ABCA9: variants seen among roughly 807,000 people sequenced by gnomAD.
ABCA9 encodes ATP-binding cassette sub-family A member 9.
Under a neutral mutation model 205.3 loss-of-function variants are expected in ABCA9, and 183 were observed. The ratio of observed to expected loss-of-function variants is 0.89; its 90% CI spans 0.79 to 1.01. ABCA9 has a LOEUF of 1.01. Ranked by LOEUF, ABCA9 falls within the 50% of genes least tolerant of loss-of-function variation. The probability of loss-of-function intolerance (pLI) is 0.00; values close to 1 mark genes in which losing one functional copy is unlikely to be tolerated. For missense variants in ABCA9, 1,805 were observed against 1,912.4 expected, an observed-to-expected ratio of 0.94 and a Z score of 1.05; for synonymous variants, 651 against 683.3, an observed-to-expected ratio of 0.95 and a Z score of 0.74.
upstream of ABCA9, chr17:69,061,147 T>C (rs11871944): frequency 0.6 from 589,303 of 984,392 alleles, 183,267 homozygotes; most frequent in Non-Finnish European, 0.63. Context: ...TTGCAGATGG[T>C]TGGCTGGACA....
chr17:69,028,828 T>C, intron 11 of ABCA9, among the ~76,000 whole-genome samples, 183 bp from the exon 12 acceptor site: 1 of 152,232 alleles, frequency 6.6e-6, no homozygotes, highest in East Asian at 1.9e-4. Context: ...ATTGTCAATA[T>C]GTTATTATGC....
Position 68,975,720 on chromosome 17 carries a change from GC to G in ABCA9, c.*194del, listed in dbSNP as rs1241821966. 5.3e-6 allele frequency: 3 copies of G among 561,858 alleles called. No individual in the cohort carries two copies. The Admixed American group carries it at 9.0e-5, about 17-fold the overall frequency. 34.8% of individuals were successfully genotyped at this position (561,858 alleles called of 1,614,324 possible). ...GCTGGCACAAAGGCTGCATGGTATG[GC>G]TTAGGCTTATGCCCTATGATCGCCC... On this transcript the variant is annotated 3_prime_UTR_variant, in exon 39 of 39. Coordinates refer to ENST00000340001, the MANE Select transcript of ABCA9 (RefSeq NM_080283.4).
At chr17:68,989,687 C>T in intron 30 of ABCA9, 126 bp downstream of exon 30, 2 of 595,032 alleles carry the variant, frequency 3.4e-6, no homozygotes, top group South Asian at 2.5e-5. Context: ...GGCTTTTAAG[C>T]AGGAGGAGCA....
At position 69,026,480 on chromosome 17, in the gene ABCA9, A is replaced by G. The variant is rs1310395001; in HGVS notation, c.2051-13T>C. On this transcript the variant is annotated splice_polypyrimidine_tract_variant and intron_variant, in intron 15 of 38. Coordinates refer to ENST00000340001, the MANE Select transcript of ABCA9 (RefSeq NM_080283.4). ...AACACCTTCCTGTCTAGTTAGAAATAATCAAAAGATAAGTTACATGAAGGA... is the reference window on the plus strand; with the variant it reads ...AACACCTTCCTGTCTAGTTAGAAATGATCAAAAGATAAGTTACATGAAGGA... 4 of 1,601,558 alleles carry G rather than the reference A, an allele frequency of 2.5e-6. No homozygotes were observed. Among genetic ancestry groups the G allele is most frequent in the African/African-American group, 2.7e-5 (2 of 74,730 alleles).
Position 69,036,871 on chromosome 17 carries a change from C to CAAAAAA in ABCA9, c.801-1076_801-1071dup, listed in dbSNP as rs781565554. Among the ~76,000 whole-genome samples, 6 of 4,712 alleles carry CAAAAAA rather than the reference C, an allele frequency of 1.3e-3. 3 individuals carry two copies. Among genetic ancestry groups the CAAAAAA allele is most frequent in the East Asian group, 0.029 (2 of 68 alleles). The allele number at this position is 4,712 out of a possible 152,430, so 3.1% of individuals were successfully genotyped here. A position where few individuals can be genotyped will look rare whatever the true frequency, so the allele number is the denominator to read the frequency against. ...GAATATTTACCAAGTAAATGGAAAG[C>CAAAAAA]AAAAAAAAAAAAAAAAAAAAAAAAA... On this transcript the variant is annotated intron_variant, in intron 6 of 38. Coordinates refer to ENST00000340001, the MANE Select transcript of ABCA9 (RefSeq NM_080283.4).
In ABCA9 at chr17:69,008,144, A is replaced by G. The variant is rs2070222236; in HGVS notation, c.3239T>C (p.Leu1080Ser). 5.0e-6 allele frequency: 8 copies of G among 1,613,364 alleles called. No homozygotes were observed. Among genetic ancestry groups the G allele is most frequent in the African/African-American group, 1.3e-5 (1 of 74,928 alleles). ...CATTATTTGCATTAGCAGGAGGATC[A>G]AAAAGTACAGGGAAACATCCACCAG... ...QALVDVSLYFLILLLMQIMDY... is the reference protein window; with the variant it reads ...QALVDVSLYFSILLLMQIMDY... The change falls in exon 24 of 39, where the codon TTG becomes TCG. Residue 1080 changes from leucine to serine, a missense_variant. Leu to Ser is a moderately radical substitution (Grantham distance 145, BLOSUM62 -2). Transcript: ENST00000340001.
intron 25 of ABCA9, among the ~76,000 whole-genome samples, chr17:69,006,545 C>G (rs1350444320): frequency 6.6e-6 from 1 of 152,130 alleles, no homozygotes; most frequent in Non-Finnish European, 1.5e-5. Context: ...TATAATTATG[C>G]CTTCTACATG....
chr17:69,036,544 A>G (rs888512624), intron 6 of ABCA9, among the ~76,000 whole-genome samples: 2 of 152,168 alleles, frequency 1.3e-5, no homozygotes, highest in Non-Finnish European at 2.9e-5. Flanking sequence ...TAAATGTAGA[A>G]AGAAAAAACC....
rs146809474 is a variant in ABCA9, at chr17:69,028,637, A to G, written c.1513T>C (p.Phe505Leu). Reference sequence around the variant, plus strand: ...GTGATCTGGCCTTCATATATGTCAAACACCACACCTGGCATGATTTTAAAA... The same window carrying G: ...GTGATCTGGCCTTCATATATGTCAAGCACCACACCTGGCATGATTTTAAAA... Reference protein sequence around the residue: ...ERVEALKGVVFDIYEGQITAL... With the variant: ...ERVEALKGVVLDIYEGQITAL... The change falls in exon 12 of 39, where the codon TTT (phenylalanine) becomes CTT (leucine). Residue 505 changes from phenylalanine to leucine, a missense_variant. Physicochemically the swap from Phe to Leu is conservative, Grantham distance 22. Coordinates refer to ENST00000340001, the MANE Select transcript of ABCA9 (RefSeq NM_080283.4). 1.3e-6 allele frequency: 2 copies of G among 1,586,066 alleles called. No homozygotes were observed. Among genetic ancestry groups the G allele is most frequent in the African/African-American group, 2.7e-5 (2 of 73,892 alleles).
intron 29 of ABCA9, 124 bp downstream of exon 29, chr17:68,990,713 G>GA (rs2069421126): frequency 1.7e-6 from 2 of 1,183,838 alleles, no homozygotes. Context: ...CTGAAGTCAA[G>GA]TAATAAGCTG....
the ABCA9 span, chr17:69,078,725 T>G: frequency 3.2e-6 from 1 of 311,272 alleles, no homozygotes; most frequent in South Asian, 1.1e-4. Flanking sequence ...TAGTTTTATT[T>G]CCACAATACC....
chr17:69,007,596 A>G (rs2070193154), intron 25 of ABCA9, among the ~76,000 whole-genome samples, 163 bp downstream of exon 25: 1 of 152,200 alleles, frequency 6.6e-6, no homozygotes, highest in Non-Finnish European at 1.5e-5. Context: ...GATAACATAC[A>G]CTCACTCATA....
At chr17:69,049,706 C>A (rs1178407264) in intron 2 of ABCA9, among the ~76,000 whole-genome samples, 2 of 152,004 alleles carry the variant, frequency 1.3e-5, no homozygotes, top group African/African-American at 2.4e-5. Flanking sequence ...AACATCAATT[C>A]CAGTTATAAT....
chr17:68,995,776 A>C (rs2144066903), intron 26 of ABCA9, 119 bp downstream of exon 26: 2 of 1,325,232 alleles, frequency 1.5e-6, no homozygotes, highest in East Asian at 4.7e-5. Flanking sequence ...TGACTTTCCA[A>C]AGACAGAGAC....
At chr17:69,048,149 C>T (rs995581724) in intron 3 of ABCA9, among the ~76,000 whole-genome samples, 5 of 152,162 alleles carry the variant, frequency 3.3e-5, no homozygotes, top group Non-Finnish European at 7.4e-5. Context: ...GATCCAATCA[C>T]TTCCCTCCCT....
At chr17:69,072,526 C>G in the ABCA9 span, among the ~76,000 whole-genome samples, 25 of 152,100 alleles carry the variant, frequency 1.6e-4, no homozygotes, top group South Asian at 5.0e-3. Flanking sequence ...AAATAAAATC[C>G]TTTACAGACA....
chr17:69,004,503 T>C (rs891697333), intron 25 of ABCA9, among the ~76,000 whole-genome samples: 6 of 152,240 alleles, frequency 3.9e-5, no homozygotes, highest in African/African-American at 1.4e-4. Flanking sequence ...GGAGAACCAC[T>C]GCTTTCTTCA....
chr17:68,985,040 GC>G lies in ABCA9; in HGVS notation c.4284+12del, dbSNP rs765561566. 2 of 1,614,200 alleles carry G rather than the reference GC, an allele frequency of 1.2e-6. No homozygotes were observed. The highest frequency in any genetic ancestry group is 2.2e-5 in the South Asian group (2 of 91,084). Reference sequence around the variant, plus strand: ...TACGGCACTTGCAGAGCAACAACAAGCCCTGCCCGTACCTTTCGCTTTATTC... The same window carrying G: ...TACGGCACTTGCAGAGCAACAACAAGCCTGCCCGTACCTTTCGCTTTATTC... On this transcript the variant is annotated intron_variant, in intron 33 of 38. Transcript: ENST00000340001.
chr17:69,018,261 T>A, intron 20 of ABCA9, 152 bp downstream of exon 20: 1 of 640,500 alleles, frequency 1.6e-6, no homozygotes, highest in Non-Finnish European at 2.4e-6. Flanking sequence ...TCCCATGTCG[T>A]ATTTTTCATT....
Sources: gnomAD v4.1 joint callset for allele counts (sites outside exome capture counted in the v4.1 genomes callset) on GRCh38, gnomAD v4.1.1 for gene constraint, MANE v1.5 for transcripts, NCBI Gene and HGNC (gene_info 2026-07-23, HGNC 2026-07-21) for gene names.